DGLUCY: variants seen among roughly 807,000 people sequenced by gnomAD.
DGLUCY encodes D-glutamate cyclase, mitochondrial.
A neutral mutation model predicts 58.5 loss-of-function variants in DGLUCY; 58 were observed. The ratio of observed to expected loss-of-function variants is 0.99; its 90% CI spans 0.80 to 1.23. The LOEUF is 1.23. Among genes scored for constraint, DGLUCY ranks in the 50% most tolerant of loss-of-function variants. The pLI is 0.00. For synonymous variants in DGLUCY, 325 were observed against 314.1 expected, an observed-to-expected ratio of 1.03 and a Z score of -0.37; for missense variants, 779 against 784.7, an observed-to-expected ratio of 0.99 and a Z score of 0.09.
intron 1 of DGLUCY, among the ~76,000 whole-genome samples, chr14:91,068,073 G>GCGCA (rs765296342): frequency 1.3e-3 from 75 of 59,136 alleles, no homozygotes; most frequent in African/African-American, 5.1e-3. Context: ...ACACACACAC[G>GCGCA]CGCACGCACA....
At chr14:91,221,500 G>A (rs1415856068) in intron 13 of DGLUCY, among the ~76,000 whole-genome samples, 1 of 151,802 alleles carries the variant, frequency 6.6e-6, no homozygotes, top group East Asian at 1.9e-4. Context: ...ATGGATGCAT[G>A]GATGGATGGA....
intron 12 of DGLUCY, among the ~76,000 whole-genome samples, chr14:91,210,400 T>A (rs1885486494): frequency 6.6e-6 from 1 of 151,992 alleles, no homozygotes; most frequent in Admixed American, 6.6e-5. Context: ...AGCATGGTGG[T>A]GTGCACTTGT....
At position 91,176,891 on chromosome 14, in the gene DGLUCY, C is replaced by T. The variant is rs142140188; in HGVS notation, c.730+835C>T. Among the ~76,000 whole-genome samples, 353 of 152,292 alleles carry T rather than the reference C, an allele frequency of 2.3e-3. 2 individuals are homozygous for T. The highest frequency in any genetic ancestry group is 7.2e-3 in the African/African-American group (300 of 41,562). On this transcript the variant is annotated intron_variant, in intron 7 of 13. Coordinates refer to ENST00000256324, the MANE Select transcript of DGLUCY (RefSeq NM_001102368.3). ...TGCTTGGATTGCAGGCATGAGCCAC[C>T]GTGTCCAGCCTCAAATATGTTTTGA...
In DGLUCY at chr14:91,199,811, C is replaced by T; in HGVS notation, c.1350C>T (p.Tyr450=). The T allele has an allele frequency of 6.2e-7, 1 of 1,614,190 alleles. No individual in the cohort carries two copies. The highest frequency in any genetic ancestry group is 8.5e-7 in the Non-Finnish European group (1 of 1,180,040). The change falls in exon 11 of 14, where the codon TAC becomes TAT. Residue 450 remains tyrosine, a synonymous_variant. Transcript: ENST00000256324. ...CCGGAAGAGCTGCTGATGGCAATTA[C>T]TACAATGCAAGGAAGATGAACATCA... is the stretch of plus-strand genomic sequence containing the variant. ...ERAGRAADGN[Y]YNARKMNIKH...
chr14:91,117,646 T>TACACAC lies in DGLUCY; in HGVS notation c.-82+3373_-82+3378dup, dbSNP rs765720920. The stretch of plus-strand genomic sequence containing the variant: ...GGCACAGAGTAAGCTTTTGTTCACA[T>TACACAC]ACACACACACACACATACACACACA... On this transcript the variant is annotated intron_variant, in intron 1 of 13. Coordinates refer to ENST00000256324, the MANE Select transcript of DGLUCY (RefSeq NM_001102368.3). 4.4e-3 allele frequency among the ~76,000 whole-genome samples: 655 copies of TACACAC among 149,536 alleles called. 6 individuals carry two copies. Among genetic ancestry groups the TACACAC allele is most frequent in the Non-Finnish European group, 5.7e-3 (383 of 67,028 alleles).
At position 91,218,592 on chromosome 14, in the gene DGLUCY, G is replaced by C. The variant is rs1018067670; in HGVS notation, c.1716+3036G>C. On this transcript the variant is annotated intron_variant, in intron 13 of 13. Coordinates refer to ENST00000256324, the MANE Select transcript of DGLUCY (RefSeq NM_001102368.3). ...TAATTTTTGTATTTTTAATGGTGAC[G>C]GGGTTTCACCATGTTGGCCAGGCTG... is the stretch of plus-strand genomic sequence containing the variant. 2.6e-5 allele frequency among the ~76,000 whole-genome samples: 4 copies of C among 151,746 alleles called. 1 individual carries two copies. In the South Asian group the frequency reaches 8.3e-4, roughly 32 times the overall value.
chr14:91,111,230 GTGTGTGTGTGTGTGTGTGTA>G (rs745370243), upstream of DGLUCY, among the ~76,000 whole-genome samples: 18,097 of 145,894 alleles, frequency 0.12, 1,433 homozygotes, highest in Admixed American at 0.15. Flanking sequence ...GTGTGTGTGT[GTGTGTGTGTGTGTGTGTGTA>G]TATATCTATA....
At chr14:91,201,067 G>A (rs965012866) in intron 11 of DGLUCY, among the ~76,000 whole-genome samples, 4 of 152,112 alleles carry the variant, frequency 2.6e-5, no homozygotes, top group East Asian at 1.9e-4. Context: ...ACAAGGGCAG[G>A]GGAATATCAC....
chr14:91,131,598 T>TA (rs1486532024), intron 1 of DGLUCY, among the ~76,000 whole-genome samples: 1 of 152,168 alleles, frequency 6.6e-6, no homozygotes, highest in Non-Finnish European at 1.5e-5. Flanking sequence ...GTATATCTCC[T>TA]ATGCTATCCC....
At chr14:91,209,436 C>T (rs781718592) in intron 12 of DGLUCY, among the ~76,000 whole-genome samples, 6 of 152,038 alleles carry the variant, frequency 3.9e-5, no homozygotes, top group Non-Finnish European at 8.8e-5. Context: ...AGGCCGCGTG[C>T]GGTGGCTCAC....
chr14:91,188,851 A>T, intron 8 of DGLUCY, 59 bp from the exon 9 acceptor site: 1 of 1,508,788 alleles, frequency 6.6e-7, no homozygotes, highest in Non-Finnish European at 8.9e-7. Flanking sequence ...ACATACATAC[A>T]TACATACAAA....
intron 1 of DGLUCY, among the ~76,000 whole-genome samples, chr14:91,087,688 G>A (rs901311591): frequency 6.6e-5 from 10 of 152,094 alleles, no homozygotes; most frequent in African/African-American, 1.4e-4. Context: ...TAGCCAATCC[G>A]GACAGATACA....
chr14:91,106,026 G>A (rs2044582013), upstream of DGLUCY, among the ~76,000 whole-genome samples: 1 of 152,206 alleles, frequency 6.6e-6, no homozygotes. Context: ...AACCTTATGG[G>A]GCCAGGTGTG....
rs2045445276 is a variant in DGLUCY, at chr14:91,122,609, T to TTTTTG, written c.-82+8330_-82+8331insGTTTT. Among the ~76,000 whole-genome samples the TTTTTG allele has an allele frequency of 2.2e-5, 3 of 133,516 alleles. 1 individual carries two copies. The highest frequency in any genetic ancestry group is 8.7e-5 in the African/African-American group (3 of 34,370). The allele number at this position is 133,516 out of a possible 152,430, so 87.6% of individuals were successfully genotyped here. A position where few individuals can be genotyped will look rare whatever the true frequency, so the allele number is the denominator to read the frequency against. ...CTATAATAAAAGAAAAAAGTTTTTTTTTTTTTTTTTTGAGATAGAGTCTCA... is the reference window on the plus strand; with the variant it reads ...CTATAATAAAAGAAAAAAGTTTTTTTTTTTGTTTTTTTTTTTGAGATAGAGTCTCA... On this transcript the variant is annotated intron_variant, in intron 1 of 13. Coordinates refer to ENST00000256324, the MANE Select transcript of DGLUCY (RefSeq NM_001102368.3).
intron 13 of DGLUCY, among the ~76,000 whole-genome samples, chr14:91,217,255 G>T (rs1886676503): frequency 6.6e-6 from 1 of 152,188 alleles, no homozygotes; most frequent in Non-Finnish European, 1.5e-5. Context: ...CCTGTGAGCA[G>T]ACAGCAGCCT....
At chr14:91,108,217 G>A (rs564208962) in intron 1 of DGLUCY, among the ~76,000 whole-genome samples, 19 of 152,192 alleles carry the variant, frequency 1.2e-4, no homozygotes, top group Non-Finnish European at 2.5e-4. Context: ...GGTGGGAGTC[G>A]AGCGTACAAG....
intron 1 of DGLUCY, among the ~76,000 whole-genome samples, chr14:91,121,946 G>C (rs553999217): frequency 1.3e-5 from 2 of 152,180 alleles, no homozygotes; most frequent in Non-Finnish European, 2.9e-5. Context: ...TCATCTAACA[G>C]AGTGCTCAAC....
intron 12 of DGLUCY, among the ~76,000 whole-genome samples, chr14:91,215,073 C>G (rs923265305): frequency 3.9e-5 from 6 of 152,128 alleles, no homozygotes; most frequent in African/African-American, 1.4e-4. Context: ...CGCTTGAACC[C>G]AGGAGGCAGA....
In DGLUCY at chr14:91,202,659, G is replaced by A. The variant is rs2050644073; in HGVS notation, c.1445-2047G>A. Among the ~76,000 whole-genome samples, 8 of 152,062 alleles carry A rather than the reference G, an allele frequency of 5.3e-5. 1 individual carries two copies. Among genetic ancestry groups the A allele is most frequent in the Admixed American group, 5.2e-4 (8 of 15,266 alleles). ...CTGTGGGGGAGGGGTTCTCAGAGTG[G>A]AGAAAAAAGAGATCTCTGTGGCTAC... On this transcript the variant is annotated intron_variant, in intron 11 of 13. Coordinates refer to ENST00000256324, the MANE Select transcript of DGLUCY (RefSeq NM_001102368.3).
Sources: gnomAD v4.1 joint callset for allele counts (sites outside exome capture counted in the v4.1 genomes callset) on GRCh38, gnomAD v4.1.1 for gene constraint, MANE v1.5 for transcripts, NCBI Gene and HGNC (gene_info 2026-07-23, HGNC 2026-07-21) for gene names.